VAPB: variants seen among roughly 807,000 people sequenced by gnomAD.
VAPB encodes vesicle-associated membrane protein-associated protein B/C.
Under a neutral mutation model 25.6 loss-of-function variants are expected in VAPB, and 7 were observed. The ratio of observed to expected loss-of-function variants is 0.27; its 90% CI spans 0.16 to 0.51. The LOEUF is 0.51. Among genes scored for constraint, VAPB ranks in the 20% least tolerant of loss-of-function variants. VAPB has a pLI of 0.97. For synonymous variants in VAPB, 112 were observed against 109.2 expected (o/e 1.03, Z -0.16); for missense variants, 266 against 301.3 (o/e 0.88, Z 0.87).
rs961315097 is a variant in VAPB at position 58,417,551 on chromosome 20, G to T, written c.59-660G>T. Among the ~76,000 whole-genome samples, 36 of 152,216 alleles carry T rather than the reference G, an allele frequency of 2.4e-4. 1 individual carries two copies. The highest frequency in any genetic ancestry group is 1.5e-5 in the Non-Finnish European group (1 of 68,042). ...TGAGCCTGTTGCAGTCTTCCCAGTAGCGTGAGTAATTAGTACCGTCTGTAA... is the reference window on the plus strand; with the variant it reads ...TGAGCCTGTTGCAGTCTTCCCAGTATCGTGAGTAATTAGTACCGTCTGTAA... On this transcript the variant is annotated intron_variant, in intron 1 of 5. Transcript: ENST00000475243.
At chr20:58,440,193 G>A (rs920748123) in intron 4 of VAPB, 2 of 152,324 alleles carry the variant, frequency 1.3e-5, no homozygotes, top group Admixed American at 1.3e-4. Flanking sequence ...TGACTTGGTA[G>A]CCTGGGGCCT....
At chr20:58,415,365 T>C (rs923822668) in intron 1 of VAPB, among the ~76,000 whole-genome samples, 4 of 152,244 alleles carry the variant, frequency 2.6e-5, no homozygotes, top group African/African-American at 9.6e-5. Flanking sequence ...GATGAGTATA[T>C]GCATAATCTA....
At chr20:58,413,658 G>C (rs1319452823) in intron 1 of VAPB, among the ~76,000 whole-genome samples, 3 of 151,746 alleles carry the variant, frequency 2.0e-5, no homozygotes, top group South Asian at 4.2e-4. Context: ...ATGAGCTGTT[G>C]GGCACACCTC....
rs1282597321 is a variant in VAPB, at chr20:58,444,905, A to G, written c.*670A>G. On this transcript the variant is annotated 3_prime_UTR_variant, in exon 6 of 6. Coordinates refer to ENST00000475243, the MANE Select transcript of VAPB (RefSeq NM_004738.5). ...AAGCTAAATTTGTATTGGTTCATGT[A>G]GTGAAGTCAAACTGTTATTCAGAGA... The G allele has an allele frequency of 1.1e-5, 5 of 454,506 alleles. No individual in the cohort carries two copies. The highest frequency in any genetic ancestry group is 2.2e-5 in the Non-Finnish European group (5 of 226,814). The allele number at this position is 454,506 out of a possible 1,614,324, so 28.2% of individuals were successfully genotyped here.
chr20:58,445,529 A>G lies in VAPB; in HGVS notation c.*1294A>G. 2.2e-6 allele frequency: 1 copy of G among 454,480 alleles called. No individual in the cohort carries two copies. Among genetic ancestry groups the G allele is most frequent in the Non-Finnish European group, 4.4e-6 (1 of 226,788 alleles). 28.2% of individuals were successfully genotyped at this position (454,480 alleles called of 1,614,324 possible). A position where few individuals can be genotyped will look rare whatever the true frequency, so the allele number is the denominator to read the frequency against. On this transcript the variant is annotated 3_prime_UTR_variant, in exon 6 of 6. Coordinates refer to ENST00000475243, the MANE Select transcript of VAPB (RefSeq NM_004738.5). ...ATGTAGCATCTTGAAAAGAAAAATT[A>G]TAATAAAGCCCCAAAATTAAGAATT...
rs1430842237 is a variant in VAPB at position 58,389,382 on chromosome 20, C to T, written c.-78C>T. On this transcript the variant is annotated 5_prime_UTR_variant, in exon 1 of 6. Transcript: ENST00000475243. ...CCCCGCCTTTTTGTAAAACTTAAAG[C>T]GGGCGCAGCATTAACGCTTCCCGCC... is the stretch of plus-strand genomic sequence containing the variant. The T allele has an allele frequency of 2.1e-6, 3 of 1,427,308 alleles. No homozygotes were observed. The highest frequency in any genetic ancestry group is 2.8e-5 in the East Asian group (1 of 36,254). The allele number at this position is 1,427,308 out of a possible 1,614,324, so 88.4% of individuals were successfully genotyped here. A position where few individuals can be genotyped will look rare whatever the true frequency, so the allele number is the denominator to read the frequency against.
At chr20:58,396,528 G>A (rs529684811) in intron 1 of VAPB, among the ~76,000 whole-genome samples, 2 of 152,308 alleles carry the variant, frequency 1.3e-5, no homozygotes, top group South Asian at 2.1e-4. Flanking sequence ...TTGTGATGTG[G>A]TTTAGAGCTC....
At chr20:58,419,297 G>A (rs1466013419) in intron 2 of VAPB, among the ~76,000 whole-genome samples, 2 of 152,144 alleles carry the variant, frequency 1.3e-5, no homozygotes, top group East Asian at 3.9e-4. Flanking sequence ...AAAGATATAA[G>A]GTGTTTCATT....
chr20:58,429,776 C>T (rs188759261), intron 2 of VAPB, among the ~76,000 whole-genome samples: 1 of 152,340 alleles, frequency 6.6e-6, no homozygotes, highest in Non-Finnish European at 1.5e-5. Context: ...GGGTACTACA[C>T]AGAGCCACCA....
At chr20:58,391,945 G>A (rs1987809824) in intron 1 of VAPB, among the ~76,000 whole-genome samples, 1 of 152,196 alleles carries the variant, frequency 6.6e-6, no homozygotes, top group Middle Eastern at 3.2e-3. Flanking sequence ...CATAGATGCA[G>A]CCAGTGTCCA....
chr20:58,429,687 G>A lies in VAPB; in HGVS notation c.212-4915G>A, dbSNP rs74590012. ...TATGTGCCTCTATTTTCACCTGAGG[G>A]CCAGGTACGTCCCGAAAACTCAAGA... On this transcript the variant is annotated intron_variant, in intron 2 of 5. Coordinates refer to ENST00000475243, the MANE Select transcript of VAPB (RefSeq NM_004738.5). 4.8e-3 allele frequency among the ~76,000 whole-genome samples: 734 copies of A among 152,320 alleles called. 6 individuals are homozygous for A. The highest frequency in any genetic ancestry group is 0.017 in the African/African-American group (689 of 41,568).
chr20:58,420,282 G>A (rs183949822), intron 2 of VAPB, among the ~76,000 whole-genome samples: 2 of 152,324 alleles, frequency 1.3e-5, no homozygotes, highest in African/African-American at 2.4e-5. Flanking sequence ...ACCGCGCCAG[G>A]CATCTCCGTC....
chr20:58,443,754 C>T (rs1255209774), intron 5 of VAPB, among the ~76,000 whole-genome samples: 1 of 151,926 alleles, frequency 6.6e-6, no homozygotes, highest in Non-Finnish European at 1.5e-5. Flanking sequence ...TGGGTGGGGC[C>T]GAGGGTGCAA....
rs1227146584 is a variant in VAPB at position 58,450,126 on chromosome 20, C to T, written c.*5891C>T. 4.4e-6 allele frequency: 2 copies of T among 453,966 alleles called. No individual in the cohort carries two copies. The highest frequency in any genetic ancestry group is 4.0e-5 in the African/African-American group (2 of 49,986). 28.1% of individuals were successfully genotyped at this position (453,966 alleles called of 1,614,324 possible). A position where few individuals can be genotyped will look rare whatever the true frequency, so the allele number is the denominator to read the frequency against. On this transcript the variant is annotated 3_prime_UTR_variant, in exon 6 of 6. Transcript: ENST00000475243. The stretch of plus-strand genomic sequence containing the variant: ...ATACAAAAAAGTCCTGGCTGTTTCT[C>T]CGAACTGGCTGCCTGCATTCCCGTC...
At chr20:58,428,114 T>C (rs1335979673) in intron 2 of VAPB, among the ~76,000 whole-genome samples, 3 of 152,110 alleles carry the variant, frequency 2.0e-5, no homozygotes, top group Non-Finnish European at 4.4e-5. Context: ...CTCCAAGGGG[T>C]GTGTGTGTAT....
intron 2 of VAPB, among the ~76,000 whole-genome samples, chr20:58,426,733 G>T (rs1359429168): frequency 6.6e-6 from 1 of 152,182 alleles, no homozygotes; most frequent in Non-Finnish European, 1.5e-5. Context: ...TTAAATTTGT[G>T]GAGTTTGTAG....
chr20:58,432,637 A>G (rs1199476906), intron 2 of VAPB, among the ~76,000 whole-genome samples: 1 of 152,266 alleles, frequency 6.6e-6, no homozygotes, highest in Non-Finnish European at 1.5e-5. Flanking sequence ...GTCCCTGTCC[A>G]GGAAGGTTCA....
intron 2 of VAPB, chr20:58,432,493 C>G (rs545193723): frequency 6.6e-6 from 1 of 151,972 alleles, no homozygotes; most frequent in Non-Finnish European, 1.5e-5. Flanking sequence ...CTCTTCTTTC[C>G]TAAACTGAAA....
At chr20:58,398,901 A>G (rs1341948028) in intron 1 of VAPB, among the ~76,000 whole-genome samples, 1 of 151,904 alleles carries the variant, frequency 6.6e-6, no homozygotes, top group Non-Finnish European at 1.5e-5. Context: ...TCTTCCCTTA[A>G]AAGATAAGTG....
Sources: gnomAD v4.1 joint callset for allele counts (sites outside exome capture counted in the v4.1 genomes callset) on GRCh38, gnomAD v4.1.1 for gene constraint, MANE v1.5 for transcripts, NCBI Gene and HGNC (gene_info 2026-07-23, HGNC 2026-07-21) for gene names.